Variants in KCNMB2 observed in about 807,000 individuals in gnomAD.
The protein encoded by KCNMB2 is potassium calcium-activated channel subfamily M regulatory beta subunit 2.
KCNMB2 carries 9 observed loss-of-function variants against 24.5 expected under a neutral mutation model. The ratio of observed to expected loss-of-function variants is 0.37; its 90% CI spans 0.22 to 0.64. KCNMB2 has a LOEUF of 0.64. Ranked by LOEUF, KCNMB2 falls within the 30% of genes least tolerant of loss-of-function variation. The pLI is 0.63. For missense variants in KCNMB2, 226 were observed against 284.3 expected (o/e 0.79, Z 1.47); for synonymous variants, 109 against 104.4 (o/e 1.04, Z -0.27).
intron 1 of KCNMB2, among the ~76,000 whole-genome samples, chr3:178,720,004 A>C (rs1325625009): frequency 6.6e-6 from 1 of 151,992 alleles, no homozygotes; most frequent in Non-Finnish European, 1.5e-5. Flanking sequence ...TTATACTTTA[A>C]GTTTTAGGGT....
intron 1 of KCNMB2, among the ~76,000 whole-genome samples, chr3:178,759,238 G>GAT (rs200411902): frequency 2.8e-5 from 3 of 108,784 alleles, no homozygotes; most frequent in Non-Finnish European, 5.6e-5. Context: ...AGAGGAGATA[G>GAT]ATATATATAT....
intron 1 of KCNMB2, among the ~76,000 whole-genome samples, chr3:178,611,123 A>C (rs1486531532): frequency 1.3e-5 from 2 of 152,194 alleles, no homozygotes; most frequent in South Asian, 2.1e-4. Context: ...GCTTTTCTTT[A>C]CTGGGAGACT....
At chr3:178,736,162 C>T (rs887825687) in intron 1 of KCNMB2, among the ~76,000 whole-genome samples, 1 of 152,148 alleles carries the variant, frequency 6.6e-6, no homozygotes, top group African/African-American at 2.4e-5. Flanking sequence ...TTTTCCAGAA[C>T]AGCATGTTTA....
At chr3:178,726,598 T>A (rs996530753) in intron 1 of KCNMB2, among the ~76,000 whole-genome samples, 1 of 151,952 alleles carries the variant, frequency 6.6e-6, no homozygotes, top group Admixed American at 6.6e-5. Context: ...TCTTTAGATA[T>A]TTTTTAGATA....
Position 178,830,615 on chromosome 3 carries a change from C to T in KCNMB2, c.423+2242C>T, listed in dbSNP as rs575681238. 4.6e-5 allele frequency among the ~76,000 whole-genome samples: 7 copies of T among 152,206 alleles called. No individual in the cohort carries two copies. In the South Asian group the frequency reaches 6.2e-4, roughly 14 times the overall value. The stretch of plus-strand genomic sequence containing the variant: ...GAGTTCTTACTGCTCCAAATCTTTG[C>T]CAACATTTGGTAATATCTGTAATTT... On this transcript the variant is annotated intron_variant, in intron 4 of 4. Transcript: ENST00000452583.
chr3:178,630,397 G>C (rs1477767), intron 1 of KCNMB2, among the ~76,000 whole-genome samples: 2 of 152,136 alleles, frequency 1.3e-5, no homozygotes, highest in Non-Finnish European at 2.9e-5. Context: ...CCAGTAAGCT[G>C]TTCCACATAA....
At chr3:178,763,495 A>G (rs1711994583) in intron 1 of KCNMB2, among the ~76,000 whole-genome samples, 2 of 152,176 alleles carry the variant, frequency 1.3e-5, no homozygotes, top group African/African-American at 4.8e-5. Flanking sequence ...TTGATGGATA[A>G]TGAAAAACAG....
At chr3:178,632,990 T>C (rs1719376770) in intron 1 of KCNMB2, among the ~76,000 whole-genome samples, 1 of 152,202 alleles carries the variant, frequency 6.6e-6, no homozygotes, top group Non-Finnish European at 1.5e-5. Context: ...AGGGCAATCA[T>C]TAAACCTTAA....
At chr3:178,837,692 A>C (rs1226474667) in intron 4 of KCNMB2, among the ~76,000 whole-genome samples, 1 of 152,108 alleles carries the variant, frequency 6.6e-6, no homozygotes, top group African/African-American at 2.4e-5. Context: ...TCCCACAATC[A>C]ATCAAGTATG....
rs566914747 is a variant in KCNMB2, at chr3:178,552,149, A to G, written c.-68+15438A>G. On this transcript the variant is annotated intron_variant, in intron 1 of 4. Transcript: ENST00000452583. Reference sequence around the variant, plus strand: ...CCTTTGTATATGCACAAGGTAATGCATGGCTGGTCCCCATCCAGACGCTGA... The same window carrying G: ...CCTTTGTATATGCACAAGGTAATGCGTGGCTGGTCCCCATCCAGACGCTGA... 2.6e-5 allele frequency among the ~76,000 whole-genome samples: 4 copies of G among 152,328 alleles called. No individual in the cohort carries two copies. In the South Asian group the frequency reaches 8.3e-4, roughly 32 times the overall value.
chr3:178,676,558 T>C (rs1721077276), intron 1 of KCNMB2, among the ~76,000 whole-genome samples: 1 of 152,142 alleles, frequency 6.6e-6, no homozygotes, highest in South Asian at 2.1e-4. Context: ...GGGTTTGAAT[T>C]TTACCACCTC....
At chr3:178,823,472 G>C (rs978829866) in intron 2 of KCNMB2, among the ~76,000 whole-genome samples, 1 of 152,198 alleles carries the variant, frequency 6.6e-6, no homozygotes, top group Non-Finnish European at 1.5e-5. Context: ...CTCAAGGAAA[G>C]AGTAAGATTT....
At chr3:178,635,722 T>G (rs1316830453) in intron 1 of KCNMB2, among the ~76,000 whole-genome samples, 2 of 152,238 alleles carry the variant, frequency 1.3e-5, no homozygotes, top group African/African-American at 4.8e-5. Context: ...CTGTGTTTTC[T>G]TCACATACTA....
chr3:178,749,842 G>A (rs1434177085), intron 1 of KCNMB2, among the ~76,000 whole-genome samples: 6 of 152,194 alleles, frequency 3.9e-5, no homozygotes, highest in Non-Finnish European at 8.8e-5. Context: ...TGAATACAGA[G>A]GTAGCTGAGA....
intron 1 of KCNMB2, among the ~76,000 whole-genome samples, chr3:178,688,688 GC>G (rs1307250957): frequency 4.6e-5 from 7 of 151,934 alleles, no homozygotes; most frequent in Admixed American, 6.6e-5. Context: ...TCTAGTGTTT[GC>G]TTTTTTTTTA....
intron 1 of KCNMB2, among the ~76,000 whole-genome samples, chr3:178,768,424 A>C (rs1345764069): frequency 6.6e-6 from 1 of 152,170 alleles, no homozygotes; most frequent in Non-Finnish European, 1.5e-5. Context: ...TGAAGACTAT[A>C]CATGATAAAT....
rs556791663 is a variant in KCNMB2, at chr3:178,557,868, C to T, written c.-68+21157C>T. 3.9e-5 allele frequency among the ~76,000 whole-genome samples: 6 copies of T among 152,134 alleles called. No homozygotes were observed. The South Asian group carries it at 1.2e-3, about 32-fold the overall frequency. ...GTTCAGAGACATTCTGTGATTTGAC[C>T]ACCATCAAACAGCAAGTTAGCAACA... On this transcript the variant is annotated intron_variant, in intron 1 of 4. Transcript: ENST00000452583.
At chr3:178,778,589 G>A (rs939213254) in intron 1 of KCNMB2, among the ~76,000 whole-genome samples, 2 of 151,686 alleles carry the variant, frequency 1.3e-5, no homozygotes, top group Non-Finnish European at 2.9e-5. Context: ...ATTCTCTATG[G>A]TCCTGAACCA....
chr3:178,547,961 C>G (rs939429118), intron 1 of KCNMB2, among the ~76,000 whole-genome samples: 3 of 152,194 alleles, frequency 2.0e-5, no homozygotes, highest in Non-Finnish European at 2.9e-5. Context: ...CTATTAAAGC[C>G]AATAATTGTC....
Sources: allele counts gnomAD v4.1 joint callset (sites outside exome capture counted in the v4.1 genomes callset), GRCh38; gene constraint gnomAD v4.1.1; transcripts MANE v1.5; gene names NCBI Gene and HGNC (gene_info 2026-07-23, HGNC 2026-07-21).